The following ZNF385D variants were observed in gnomAD, a reference collection of about 807,000 sequenced individuals.
ZNF385D encodes the protein zinc finger protein 385D.
In ZNF385D, 15 loss-of-function variants were observed where a neutral mutation model predicts 35.8. The ratio of observed to expected loss-of-function variants is 0.42; its 90% confidence interval spans 0.28 to 0.64. ZNF385D has a LOEUF of 0.64. Ranked by LOEUF, ZNF385D falls within the 30% of genes least tolerant of loss-of-function variation. ZNF385D has a pLI of 0.23. For missense variants in ZNF385D, 474 were observed against 494.6 expected (o/e 0.96, Z 0.39); for synonymous variants, 212 against 186.8 (o/e 1.13, Z -1.10).
intron 3 of ZNF385D, among the ~76,000 whole-genome samples, chr3:22,068,431 T>C (rs917611487): frequency 6.6e-5 from 10 of 152,202 alleles, no homozygotes; most frequent in Non-Finnish European, 1.5e-4. Flanking sequence ...GACATCTGAA[T>C]GTCTCTTTTT....
intron 3 of ZNF385D, among the ~76,000 whole-genome samples, chr3:21,946,797 A>G (rs1038607159): frequency 6.6e-6 from 1 of 152,234 alleles, no homozygotes; most frequent in Admixed American, 6.5e-5. Context: ...GCGCTACTGC[A>G]CTCCAGCCTG....
At chr3:22,207,566 C>T (rs73145058) in intron 2 of ZNF385D, among the ~76,000 whole-genome samples, 3,378 of 151,938 alleles carry the variant, frequency 0.022, 135 homozygotes, top group African/African-American at 0.077. Flanking sequence ...CAAGCATAGG[C>T]ATGCAAAGCA....
intron 2 of ZNF385D, among the ~76,000 whole-genome samples, chr3:22,181,478 C>G (rs375918100): frequency 6.6e-6 from 1 of 151,932 alleles, no homozygotes; most frequent in Admixed American, 6.6e-5. Flanking sequence ...GGGCGGATCA[C>G]GAGGTCAGGA....
At chr3:21,743,669 A>G (rs11129020) in intron 1 of ZNF385D, among the ~76,000 whole-genome samples, 152,144 of 152,304 alleles carry the variant, frequency 1, 75,992 homozygotes, top group Middle Eastern at 1. Context: ...GGTTCCACCC[A>G]AATGGCTTCA....
intron 2 of ZNF385D, among the ~76,000 whole-genome samples, chr3:21,656,419 C>G (rs1209194702): frequency 6.6e-6 from 1 of 151,882 alleles, no homozygotes; most frequent in Non-Finnish European, 1.5e-5. Flanking sequence ...TGTCTGTCTC[C>G]TTGGTTGTAG....
intron 3 of ZNF385D, among the ~76,000 whole-genome samples, chr3:22,078,220 A>G (rs190870760): frequency 3.3e-4 from 50 of 152,082 alleles, no homozygotes; most frequent in African/African-American, 1.2e-3. Context: ...CACAGCATAG[A>G]CCCTTTTCAA....
intron 3 of ZNF385D, among the ~76,000 whole-genome samples, chr3:22,018,513 A>G (rs1257768835): frequency 1.3e-5 from 2 of 151,940 alleles, no homozygotes; most frequent in Non-Finnish European, 2.9e-5. Flanking sequence ...TTTTTATACA[A>G]ATAACTTTTT....
chr3:21,429,090 G>C (rs893771986), intron 5 of ZNF385D, among the ~76,000 whole-genome samples: 3 of 151,640 alleles, frequency 2.0e-5, no homozygotes, highest in African/African-American at 7.3e-5. Context: ...TGGCTTTCAA[G>C]TTTGGTACTG....
intron 2 of ZNF385D, among the ~76,000 whole-genome samples, chr3:22,307,504 A>G (rs561370954): frequency 1.4e-4 from 21 of 152,246 alleles, no homozygotes; most frequent in Non-Finnish European, 2.8e-4. Context: ...TTTGGAGAAT[A>G]AATAAGTACT....
At chr3:22,127,821 G>A (rs951235055) in intron 3 of ZNF385D, among the ~76,000 whole-genome samples, 1 of 152,020 alleles carries the variant, frequency 6.6e-6, no homozygotes, top group South Asian at 2.1e-4. Context: ...TTAACTTTTT[G>A]TTGTTTCTGT....
At chr3:21,676,534 T>G (rs1166604710) in intron 1 of ZNF385D, among the ~76,000 whole-genome samples, 1 of 151,914 alleles carries the variant, frequency 6.6e-6, no homozygotes, top group Non-Finnish European at 1.5e-5. Flanking sequence ...TAAATGATTG[T>G]AAGCAAGAAG....
chr3:22,344,026 A>T (rs1286316652), intron 2 of ZNF385D, among the ~76,000 whole-genome samples: 1 of 152,256 alleles, frequency 6.6e-6, no homozygotes, highest in Non-Finnish European at 1.5e-5. Context: ...CTCTTCCTTC[A>T]TGATGCCTTC....
chr3:22,294,079 G>A (rs973405687), intron 2 of ZNF385D, among the ~76,000 whole-genome samples: 1 of 151,860 alleles, frequency 6.6e-6, no homozygotes, highest in African/African-American at 2.4e-5. Flanking sequence ...TTTGGAGGAG[G>A]AGGAATGTTG....
At chr3:21,641,661 A>G (rs2065609735) in intron 2 of ZNF385D, among the ~76,000 whole-genome samples, 1 of 136,568 alleles carries the variant, frequency 7.3e-6, no homozygotes, top group African/African-American at 2.7e-5. Flanking sequence ...TTTAATATAG[A>G]GATGGGGTTT....
intron 3 of ZNF385D, among the ~76,000 whole-genome samples, chr3:21,982,339 T>C (rs2125372892): frequency 6.6e-6 from 1 of 152,234 alleles, no homozygotes; most frequent in East Asian, 1.9e-4. Flanking sequence ...TATTCTTTTA[T>C]GGCAATTGTA....
At chr3:22,236,761 T>C (rs1298122400) in intron 2 of ZNF385D, among the ~76,000 whole-genome samples, 1 of 152,162 alleles carries the variant, frequency 6.6e-6, no homozygotes, top group Non-Finnish European at 1.5e-5. Flanking sequence ...TCTGTCTCTA[T>C]AGATTGGTTT....
chr3:21,799,701 T>C (rs910132296), intron 3 of ZNF385D, among the ~76,000 whole-genome samples: 5 of 152,168 alleles, frequency 3.3e-5, no homozygotes, highest in Non-Finnish European at 7.4e-5. Context: ...TCCAGATACT[T>C]TCTCCCTTTC....
upstream of ZNF385D, among the ~76,000 whole-genome samples, chr3:21,754,577 A>T (rs1253667122): frequency 6.6e-6 from 1 of 151,868 alleles, no homozygotes; most frequent in Non-Finnish European, 1.5e-5. Flanking sequence ...TCATTCAAAT[A>T]TTGCTCAAAG....
intron 3 of ZNF385D, among the ~76,000 whole-genome samples, chr3:21,859,678 T>C (rs562163020): frequency 6.6e-6 from 1 of 151,402 alleles, no homozygotes; most frequent in African/African-American, 2.4e-5. Flanking sequence ...AAGGCATTTT[T>C]TTTTTTTTCC....
Sources: allele counts gnomAD v4.1 joint callset (sites outside exome capture counted in the v4.1 genomes callset), GRCh38; gene constraint gnomAD v4.1.1; transcripts MANE v1.5; gene names NCBI Gene and HGNC (gene_info 2026-07-23, HGNC 2026-07-21).